The following PPA2 variants were observed in gnomAD, a reference collection of about 807,000 sequenced individuals.
PPA2 encodes inorganic pyrophosphatase 2, mitochondrial.
In PPA2, 48 loss-of-function variants were observed where a neutral mutation model predicts 49.5. That is an observed-to-expected ratio of 0.97 (90% confidence interval 0.77 to 1.23). The LOEUF (loss-of-function observed/expected upper bound fraction) is 1.23, where lower values mean the gene tolerates loss of function less well. Ranked by LOEUF, PPA2 falls within the 50% of genes most tolerant of loss-of-function variation. PPA2 has a pLI of 0.00. For synonymous variants in PPA2, 131 were observed against 139.9 expected (o/e 0.94, Z 0.45); for missense variants, 429 against 410.1 (o/e 1.05, Z -0.40).
intron 7 of PPA2, among the ~76,000 whole-genome samples, chr4:105,420,658 TCAATTTATACACAG>T (rs111754733): frequency 0.12 from 18,706 of 152,154 alleles, 1,203 homozygotes; most frequent in African/African-American, 0.15. Flanking sequence ...AATAGAAATT[TCAATTTATACACAG>T]CAATTTATAT....
rs746079683 is a variant in PPA2 at position 105,460,858 on chromosome 4, C to CAT, written c.158-4115_158-4114dup. On this transcript the variant is annotated intron_variant, in intron 1 of 11. Transcript: ENST00000341695. Reference sequence around the variant, plus strand: ...CAATACTTATTAAGATGTAAGATCACATATATATATAGTTTTCTAATTGTC... The same window carrying CAT: ...CAATACTTATTAAGATGTAAGATCACATATATATATATAGTTTTCTAATTGTC... 1.4e-4 allele frequency among the ~76,000 whole-genome samples: 20 copies of CAT among 145,032 alleles called. 2 individuals carry two copies. The highest frequency in any genetic ancestry group is 5.2e-4 in the African/African-American group (19 of 36,424).
rs1412827415 is a variant in PPA2 at position 105,370,887 on chromosome 4, C to T, written c.940-14G>A. The T allele has an allele frequency of 6.8e-7, 1 of 1,468,886 alleles. No homozygotes were observed. The allele number at this position is 1,468,886 out of a possible 1,614,324, so 91.0% of individuals were successfully genotyped here. ...TGAAGATGATACCTGGAAATAAAAA[C>T]AGAGAAAGAATCTCTGTTACAATAA... On this transcript the variant is annotated splice_polypyrimidine_tract_variant and intron_variant, in intron 10 of 11. Transcript: ENST00000341695.
intron 7 of PPA2, 119 bp downstream of exon 7, chr4:105,424,077 C>A (rs981417286): frequency 1.9e-6 from 2 of 1,067,148 alleles, no homozygotes; most frequent in South Asian, 1.5e-5. Context: ...CTATCTACAT[C>A]TTTTCCTCTC....
chr4:105,403,199 G>T (rs2726508), intron 7 of PPA2, among the ~76,000 whole-genome samples: 61,590 of 139,292 alleles, frequency 0.44, 13,358 homozygotes, highest in East Asian at 0.67. Context: ...AATCTTTTTT[G>T]TTTGTTTGTT....
At chr4:105,413,094 A>G (rs897862963) in intron 7 of PPA2, among the ~76,000 whole-genome samples, 1 of 152,232 alleles carries the variant, frequency 6.6e-6, no homozygotes, top group Non-Finnish European at 1.5e-5. Flanking sequence ...ATGTCCATCA[A>G]TGATAGACTG....
chr4:105,388,774 G>A (rs758217966), intron 9 of PPA2, among the ~76,000 whole-genome samples: 16 of 145,566 alleles, frequency 1.1e-4, no homozygotes, highest in Non-Finnish European at 2.2e-4. Flanking sequence ...GCAGTGAGCC[G>A]AGATGGCGCC....
rs114842331 is a variant in PPA2 at position 105,403,868 on chromosome 4, T to C, written c.656-4704A>G. Among the ~76,000 whole-genome samples the C allele has an allele frequency of 8.9e-3, 1,347 of 152,140 alleles. 14 individuals are homozygous for C. The highest frequency in any genetic ancestry group is 0.016 in the Non-Finnish European group (1,075 of 67,962). ...TCCTTTCCATATAAACCAATTCACTTGTTTCTAAAATCTAATTGGAAAATT... is the reference window on the plus strand; with the variant it reads ...TCCTTTCCATATAAACCAATTCACTCGTTTCTAAAATCTAATTGGAAAATT... On this transcript the variant is annotated intron_variant, in intron 7 of 11. Coordinates refer to ENST00000341695, the MANE Select transcript of PPA2 (RefSeq NM_176869.3).
chr4:105,435,958 C>T (rs961803450), intron 6 of PPA2, among the ~76,000 whole-genome samples: 3 of 151,854 alleles, frequency 2.0e-5, no homozygotes, highest in Non-Finnish European at 4.4e-5. Flanking sequence ...CCTAGCCAGA[C>T]CAATCACCCA....
At chr4:105,419,228 A>C (rs1479935709) in intron 7 of PPA2, among the ~76,000 whole-genome samples, 1 of 152,164 alleles carries the variant, frequency 6.6e-6, no homozygotes, top group African/African-American at 2.4e-5. Context: ...ACATATGTAT[A>C]CATGTGCCAT....
intron 7 of PPA2, among the ~76,000 whole-genome samples, chr4:105,408,092 C>CA (rs34553683): frequency 0.61 from 91,972 of 151,814 alleles, 27,852 homozygotes; most frequent in East Asian, 0.68. Context: ...AGGAAACAAA[C>CA]AATTATAAAT....
chr4:105,467,009 G>A (rs1723333067), intron 1 of PPA2, among the ~76,000 whole-genome samples: 1 of 152,184 alleles, frequency 6.6e-6, no homozygotes. Flanking sequence ...CTGATCACCA[G>A]CTTCAGGTGC....
chr4:105,457,196 A>T (rs1196748390), intron 1 of PPA2, among the ~76,000 whole-genome samples: 3 of 152,208 alleles, frequency 2.0e-5, no homozygotes, highest in African/African-American at 7.2e-5. Context: ...TATTCAATTA[A>T]AAGAAAAGAA....
In PPA2 at chr4:105,386,574, A is replaced by G. The variant is rs1335934121; in HGVS notation, c.932T>C (p.Val311Ala). 1 of 1,611,008 alleles carries G rather than the reference A, an allele frequency of 6.2e-7. No homozygotes were observed. ...TGGATGTTTGCCCCTTACCGATTCAACTAATGATCTTGCTTCCTCTTGAGT... is the reference window on the plus strand; with the variant it reads ...TGGATGTTTGCCCCTTACCGATTCAGCTAATGATCTTGCTTCCTCTTGAGT... The part of the protein sequence containing the change: ...RCTQEEARSL[V>A]ESVSSSPNKE... Residue 311 changes from valine to alanine, a missense_variant, in exon 10 of 12, where the codon GTT (valine) becomes GCT (alanine). Val to Ala is a moderately conservative substitution (Grantham distance 64). Coordinates refer to ENST00000341695, the MANE Select transcript of PPA2 (RefSeq NM_176869.3).
rs1309482765 is a variant in PPA2, at chr4:105,380,513, CAT to C, written c.939+6052_939+6053del. ...TTTTTAAATCACGAAGTACTTCAAA[CAT>C]ATTCTGTATGCAGAGACCATTATAA... On this transcript the variant is annotated intron_variant, in intron 10 of 11. Transcript: ENST00000341695. 4.6e-5 allele frequency among the ~76,000 whole-genome samples: 7 copies of C among 152,224 alleles called. No individual in the cohort carries two copies. In the East Asian group the frequency reaches 1.2e-3, roughly 25 times the overall value.
intron 1 of PPA2, among the ~76,000 whole-genome samples, chr4:105,470,226 T>C (rs1266763403): frequency 6.6e-6 from 1 of 152,262 alleles, no homozygotes; most frequent in East Asian, 1.9e-4. Context: ...ATCAAAGGAA[T>C]ACTGGCATGC....
At chr4:105,390,999 G>A (rs1369847302) in intron 9 of PPA2, among the ~76,000 whole-genome samples, 2 of 150,792 alleles carry the variant, frequency 1.3e-5, no homozygotes, top group African/African-American at 2.4e-5. Context: ...AGGATACTAC[G>A]TAGCCATAAA....
At chr4:105,453,729 T>C in intron 2 of PPA2, 87 bp from the exon 3 acceptor site, 1 of 1,025,164 alleles carries the variant, frequency 9.8e-7, no homozygotes, top group Non-Finnish European at 1.4e-6. Flanking sequence ...GACTATTGTA[T>C]AGACATTCTA....
intron 7 of PPA2, among the ~76,000 whole-genome samples, chr4:105,421,985 G>C (rs1293321511): frequency 6.6e-6 from 1 of 152,138 alleles, no homozygotes; most frequent in Non-Finnish European, 1.5e-5. Flanking sequence ...GGTGGTTGCA[G>C]TGAGCTGAGA....
At chr4:105,390,005 C>T (rs1733848349) in intron 9 of PPA2, among the ~76,000 whole-genome samples, 1 of 152,092 alleles carries the variant, frequency 6.6e-6, no homozygotes, top group South Asian at 2.1e-4. Context: ...GAAATAACAC[C>T]ACACATCTAC....
Sources: gnomAD v4.1 joint callset for allele counts (sites outside exome capture counted in the v4.1 genomes callset) on GRCh38, gnomAD v4.1.1 for gene constraint, MANE v1.5 for transcripts, NCBI Gene and HGNC (gene_info 2026-07-23, HGNC 2026-07-21) for gene names.